Variants in MOV10L1 observed in about 807,000 individuals in gnomAD.
The protein encoded by MOV10L1 is RNA helicase Mov10l1.
A neutral mutation model predicts 143.8 loss-of-function variants in MOV10L1; 110 were observed. The observed-to-expected ratio is 0.76, with a 90% CI of 0.66 to 0.90. The LOEUF is 0.90. Ranked by LOEUF, MOV10L1 falls within the 40% of genes least tolerant of loss-of-function variation. MOV10L1 has a pLI of 0.00. For synonymous variants in MOV10L1, 593 were observed against 581.1 expected (o/e 1.02, Z -0.29); for missense variants, 1,406 against 1,526.8 (o/e 0.92, Z 1.32).
chr22:50,145,890 C>T (rs369328914), intron 19 of MOV10L1, 80 bp downstream of exon 19: 193 of 1,579,724 alleles, frequency 1.2e-4, no homozygotes, highest in Admixed American at 2.5e-4. Context: ...GTCTGAGGGG[C>T]GGATGACCCA....
Position 50,152,989 on chromosome 22 carries a change from CAG to C in MOV10L1, c.2893-54_2893-53del. 3 of 1,521,936 alleles carry C rather than the reference CAG, an allele frequency of 2.0e-6. No individual in the cohort carries two copies. Among genetic ancestry groups the C allele is most frequent in the Non-Finnish European group, 1.8e-6 (2 of 1,121,762 alleles). The allele number at this position is 1,521,936 out of a possible 1,614,324, so 94.3% of individuals were successfully genotyped here. ...CTGTGCAGAGCCGCTTTTCGTTCGA[CAG>C]AAACTGTGCCGGGTACCACCTTCCC... is the stretch of plus-strand genomic sequence containing the variant. On this transcript the variant is annotated intron_variant, in intron 21 of 26. Coordinates refer to ENST00000262794, the MANE Select transcript of MOV10L1 (RefSeq NM_018995.3). This position sits in a 1 kb window ranked among gnomAD's most constrained non-coding sequence, Gnocchi z 4.4.
At chr22:50,155,664 C>T (rs893274210) in intron 22 of MOV10L1, among the ~76,000 whole-genome samples, 3 of 152,138 alleles carry the variant, frequency 2.0e-5, no homozygotes, top group African/African-American at 4.8e-5. Flanking sequence ...TTAGTAGAGA[C>T]GGGGTTTCAC....
chr22:50,090,700 G>A (rs868270575), intron 1 of MOV10L1: 1 of 741,306 alleles, frequency 1.3e-6, no homozygotes, highest in South Asian at 1.8e-5. Context: ...GTGTGAGACG[G>A]AGTTTCGCTC....
intron 21 of MOV10L1, among the ~76,000 whole-genome samples, chr22:50,151,298 G>C (rs1022289339): frequency 1.3e-5 from 2 of 152,218 alleles, no homozygotes; most frequent in Non-Finnish European, 1.5e-5. Context: ...TTTGGGATTT[G>C]CATCTTTGGA....
chr22:50,117,121 A>C (rs758276562), intron 8 of MOV10L1, 36 bp from the exon 9 acceptor site: 1 of 1,576,806 alleles, frequency 6.3e-7, no homozygotes, highest in African/African-American at 1.4e-5. Flanking sequence ...TATCTTATTT[A>C]TGACTAAAAC....
At chr22:50,104,887 C>A (rs8140123) in intron 3 of MOV10L1, among the ~76,000 whole-genome samples, 1 of 145,892 alleles carries the variant, frequency 6.9e-6, no homozygotes, top group East Asian at 2.0e-4. Flanking sequence ...TTTGATTGAG[C>A]CTTCTTTTTT....
intron 4 of MOV10L1, 53 bp from the exon 5 acceptor site, chr22:50,108,604 C>T (rs995738920): frequency 1.1e-5 from 17 of 1,593,000 alleles, no homozygotes; most frequent in Non-Finnish European, 1.5e-5. Flanking sequence ...TAGAGCTGCG[C>T]CCTGTCGTCA....
At chr22:50,102,996 C>A (rs1055462701) in intron 3 of MOV10L1, among the ~76,000 whole-genome samples, 1 of 152,202 alleles carries the variant, frequency 6.6e-6, no homozygotes, top group African/African-American at 2.4e-5. Context: ...GAGTTCCTTC[C>A]TGCGTGTAGC....
intron 22 of MOV10L1, 127 bp from the exon 23 acceptor site, chr22:50,157,930 G>C: frequency 8.7e-7 from 1 of 1,149,978 alleles, no homozygotes; most frequent in South Asian, 1.5e-5. Context: ...TGTAAGTTCT[G>C]CACGAGAGCA....
chr22:50,161,236 T>C (rs1226060138), intron 26 of MOV10L1, 132 bp from the exon 27 acceptor site: 5 of 1,003,896 alleles, frequency 5.0e-6, no homozygotes, highest in Admixed American at 4.9e-5. Context: ...TTTGGGGTCA[T>C]GTCACCTTTC....
chr22:50,107,432 C>T (rs1229346144), intron 3 of MOV10L1, among the ~76,000 whole-genome samples: 4 of 152,170 alleles, frequency 2.6e-5, no homozygotes, highest in Non-Finnish European at 5.9e-5. Flanking sequence ...GCTATTTGTG[C>T]TGTTACGTGT....
intron 17 of MOV10L1, 58 bp from the exon 18 acceptor site, chr22:50,144,039 G>C: frequency 6.3e-7 from 1 of 1,575,418 alleles, no homozygotes. Flanking sequence ...TTAGACTCCT[G>C]GTTTCCACCT....
In MOV10L1 at chr22:50,153,080, G is replaced by C; in HGVS notation, c.2928G>C (p.Glu976Asp). The change falls in exon 22 of 27, where the codon GAG (glutamate) becomes GAC (aspartate). Residue 976 changes from glutamate (E) to aspartate (D), a missense_variant. By Grantham distance (45) the Glu-to-Asp change is conservative. Transcript: ENST00000262794. ...TGGTGAAGAACTACCGGTCCCACGAGGCCCTGCTGATGCTGCCCTCACGGC... is the reference window on the plus strand; with the variant it reads ...TGGTGAAGAACTACCGGTCCCACGACGCCCTGCTGATGCTGCCCTCACGGC... ...TKLVKNYRSH[E>D]ALLMLPSRLF... 6.2e-7 allele frequency: 1 copy of C among 1,611,920 alleles called. No individual in the cohort carries two copies. Among genetic ancestry groups the C allele is most frequent in the South Asian group, 1.1e-5 (1 of 91,002 alleles).
chr22:50,136,742 C>T (rs187287641), intron 15 of MOV10L1, among the ~76,000 whole-genome samples: 96 of 152,236 alleles, frequency 6.3e-4, no homozygotes, highest in Non-Finnish European at 1.1e-3. Context: ...CAGCTGGGCA[C>T]CTACAGAGAT....
At chr22:50,092,793 C>T (rs2062485514) in intron 2 of MOV10L1, 1 of 152,242 alleles carries the variant, frequency 6.6e-6, no homozygotes. Context: ...ATGGTTATCA[C>T]CAAAGTAACA....
intron 10 of MOV10L1, among the ~76,000 whole-genome samples, chr22:50,123,192 G>A (rs1408305603): frequency 1.1e-5 from 1 of 93,724 alleles, no homozygotes; most frequent in Admixed American, 1.5e-4. Flanking sequence ...GGAAACTCAT[G>A]TCTCAAAAAA....
At chr22:50,141,985 T>C (rs1193786512) in intron 15 of MOV10L1, 96 bp from the exon 16 acceptor site, 4 of 841,460 alleles carry the variant, frequency 4.8e-6, no homozygotes, top group Non-Finnish European at 7.2e-6. Flanking sequence ...ATAAATATAC[T>C]AAGTAGAACA....
chr22:50,125,419 A>C lies in MOV10L1; in HGVS notation c.1597A>C (p.Lys533Gln). 2 of 1,614,126 alleles carry C rather than the reference A, an allele frequency of 1.2e-6. No homozygotes were observed. Among genetic ancestry groups the C allele is most frequent in the Non-Finnish European group, 1.7e-6 (2 of 1,180,002 alleles). The change falls in exon 11 of 27, where the codon AAG (lysine) becomes CAG (glutamine). Residue 533 changes from lysine to glutamine, a missense_variant. Transcript: ENST00000262794. The stretch of plus-strand genomic sequence containing the variant: ...TCTGAACATGTCAAATTACAAGGAG[A>C]AGTTTTCGACTTTGCTGTGGCTTGA... The part of the protein sequence containing the change: ...ELLNMSNYKE[K>Q]FSTLLWLEEI...
intron 3 of MOV10L1, among the ~76,000 whole-genome samples, chr22:50,107,656 G>T (rs190988316): frequency 6.6e-6 from 1 of 152,176 alleles, no homozygotes; most frequent in Non-Finnish European, 1.5e-5. Flanking sequence ...GAGGCCCAGC[G>T]GTGTCTTGCG....
Sources: gnomAD v4.1 joint callset for allele counts (sites outside exome capture counted in the v4.1 genomes callset) on GRCh38, gnomAD v4.1.1 for gene constraint, Gnocchi (gnomAD v3.1) non-coding constraint, MANE v1.5 for transcripts, NCBI Gene and HGNC (gene_info 2026-07-23, HGNC 2026-07-21) for gene names.